Variants in ERMP1 observed in about 807,000 individuals in gnomAD.
The protein encoded by ERMP1 is endoplasmic reticulum metallopeptidase 1.
A neutral mutation model predicts 92.0 loss-of-function variants in ERMP1; 86 were observed. The observed-to-expected ratio is 0.93, with a 90% CI of 0.79 to 1.12. The LOEUF (loss-of-function observed/expected upper bound fraction) is 1.12, where lower values mean the gene tolerates loss of function less well. ERMP1 is among the 50% of genes most tolerant of loss of function. The pLI is 0.00. For missense variants in ERMP1, 1,342 were observed against 1,116.3 expected, an observed-to-expected ratio of 1.20 and a Z score of -2.88; for synonymous variants, 530 against 412.8, an observed-to-expected ratio of 1.28 and a Z score of -3.44.
chr9:5,820,888 T>C (rs1829510081), intron 4 of ERMP1, among the ~76,000 whole-genome samples: 1 of 152,168 alleles, frequency 6.6e-6, no homozygotes, highest in South Asian at 2.1e-4. Context: ...CAGTCTTTTG[T>C]AGGCAGTGGC....
rs1827931494 is a variant in ERMP1, at chr9:5,786,250, A to G, written c.*894T>C. 2 of 152,250 alleles carry G rather than the reference A, an allele frequency of 1.3e-5. No individual in the cohort carries two copies. The highest frequency in any genetic ancestry group is 4.8e-5 in the African/African-American group (2 of 41,440). 9.4% of individuals were successfully genotyped at this position (152,250 alleles called of 1,614,324 possible). The stretch of plus-strand genomic sequence containing the variant: ...AAAGAAAAGAGAATAAATATTTATA[A>G]AATTCCCACCACTCCCAGCCTTCCT... On this transcript the variant is annotated 3_prime_UTR_variant, in exon 15 of 15. Transcript: ENST00000339450.
chr9:5,836,831 G>A (rs1281170294), upstream of ERMP1, among the ~76,000 whole-genome samples: 2 of 152,148 alleles, frequency 1.3e-5, no homozygotes, highest in Non-Finnish European at 2.9e-5. Flanking sequence ...ATTCTAAAAG[G>A]CACATGAGCC....
intron 8 of ERMP1, among the ~76,000 whole-genome samples, chr9:5,806,887 C>G (rs1442135009): frequency 6.6e-6 from 1 of 152,172 alleles, no homozygotes; most frequent in Non-Finnish European, 1.5e-5. Flanking sequence ...TCAAGAGTTT[C>G]TGTGACGTGT....
intron 4 of ERMP1, among the ~76,000 whole-genome samples, chr9:5,820,970 A>C (rs1475401544): frequency 6.6e-6 from 1 of 152,214 alleles, no homozygotes; most frequent in South Asian, 2.1e-4. Context: ...TCAGGTATGG[A>C]GTTTAGCCAA....
chr9:5,801,234 G>T lies in ERMP1; in HGVS notation c.2009C>A (p.Thr670Lys). Reference sequence around the variant, plus strand: ...AGGATTGGAGCTATATGGAAAAAATGTTCCACTGCAAACAAGGAGGAATGT... The same window carrying T: ...AGGATTGGAGCTATATGGAAAAAATTTTCCACTGCAAACAAGGAGGAATGT... The part of the protein sequence containing the change: ...AITFLLVCSG[T>K]FFPYSSNPAN... The change falls in exon 11 of 15, where the codon ACA (threonine) becomes AAA (lysine). Residue 670 changes from threonine to lysine, a missense_variant. Coordinates refer to ENST00000339450, the MANE Select transcript of ERMP1 (RefSeq NM_024896.3). 6.2e-7 allele frequency: 1 copy of T among 1,613,882 alleles called. No individual in the cohort carries two copies. Among genetic ancestry groups the T allele is most frequent in the Non-Finnish European group, 8.5e-7 (1 of 1,179,902 alleles).
chr9:5,839,209 A>C (rs1830128082), intron 6 of ERMP1, among the ~76,000 whole-genome samples: 1 of 152,264 alleles, frequency 6.6e-6, no homozygotes, highest in Non-Finnish European at 1.5e-5. Flanking sequence ...TGCTGAACCA[A>C]TTAAAAAAAA....
At chr9:5,791,679 T>A (rs1348407605) in intron 13 of ERMP1, among the ~76,000 whole-genome samples, 1 of 152,184 alleles carries the variant, frequency 6.6e-6, no homozygotes, top group Non-Finnish European at 1.5e-5. Context: ...TGTCTTGACA[T>A]TTCTCCTCCT....
intron 12 of ERMP1, 95 bp downstream of exon 12, chr9:5,798,711 T>C: frequency 2.6e-6 from 2 of 759,772 alleles, no homozygotes; most frequent in Non-Finnish European, 4.4e-6. Context: ...ACTGAACTTG[T>C]ATATTAAAGG....
At chr9:5,846,955 C>A (rs1478059800) in intron 6 of ERMP1, among the ~76,000 whole-genome samples, 1 of 152,128 alleles carries the variant, frequency 6.6e-6, no homozygotes, top group African/African-American at 2.4e-5. Flanking sequence ...CAGACAGAGA[C>A]CATTTCCTTC....
upstream of ERMP1, among the ~76,000 whole-genome samples, chr9:5,834,529 A>G (rs966980925): frequency 5.3e-5 from 8 of 152,218 alleles, no homozygotes; most frequent in African/African-American, 1.9e-4. Flanking sequence ...TGAAAAAATG[A>G]AAACATACCA....
chr9:5,787,287 C>T lies in ERMP1; in HGVS notation c.2572G>A (p.Gly858Arg), dbSNP rs769285252. 1.2e-6 allele frequency: 2 copies of T among 1,613,242 alleles called. No individual in the cohort carries two copies. The highest frequency in any genetic ancestry group is 1.7e-6 in the Non-Finnish European group (2 of 1,179,714). ...GCAGCAATGGCCACGGTGACCATTC[C>T]TTCAGGATGTTCTTCTGAAACCTGC... ...EVQVSEEHPEGMVTVAIAAHY... is the reference protein window; with the variant it reads ...EVQVSEEHPERMVTVAIAAHY... The change falls in exon 15 of 15, where the codon GGA (glycine) becomes AGA (arginine). Residue 858 changes from glycine (G) to arginine (R), a missense_variant. Physicochemically the swap from Gly to Arg is moderately radical, Grantham distance 125. Coordinates refer to ENST00000339450, the MANE Select transcript of ERMP1 (RefSeq NM_024896.3).
At chr9:5,840,028 G>C (rs902648783) in intron 6 of ERMP1, among the ~76,000 whole-genome samples, 1 of 152,164 alleles carries the variant, frequency 6.6e-6, no homozygotes, top group East Asian at 1.9e-4. Context: ...AATCACTTGA[G>C]GTCAGGAGTT....
chr9:5,832,935 C>T lies in ERMP1; in HGVS notation c.93G>A (p.Arg31=), dbSNP rs1228021195. The change falls in exon 1 of 15, where the codon AGG becomes AGA. Residue 31 remains arginine (R), a synonymous_variant. Coordinates refer to ENST00000339450, the MANE Select transcript of ERMP1 (RefSeq NM_024896.3). ...CCAGAGGCTCCTGCGCTCGGGCCTC[C>T]CTCTCCGGCGGTGGCGCGGCCGCCG... ...EGAAAAPPPE[R]EARAQEPLVD... is the part of the protein sequence containing the mutation. 6.4e-7 allele frequency: 1 copy of T among 1,562,520 alleles called. No individual in the cohort carries two copies. The highest frequency in any genetic ancestry group is 1.2e-5 in the South Asian group (1 of 86,144).
Position 5,810,075 on chromosome 9 carries a change from T to G in ERMP1, c.1484A>C (p.Tyr495Ser). The change falls in exon 8 of 15, where the codon TAT becomes TCT. Residue 495 changes from tyrosine to serine, a missense_variant. Tyr to Ser is a moderately radical substitution (Grantham distance 144). Transcript: ENST00000339450. ...TATTTTGGCTACAGTTGCAGTTCCA[T>G]ACAGACAAACGGAGACATAGAAGTG... is the stretch of plus-strand genomic sequence containing the variant. Reference protein sequence around the residue: ...YNHFYVSVCLYGTATVAKIIL... With the variant: ...YNHFYVSVCLSGTATVAKIIL... 1 of 1,614,004 alleles carries G rather than the reference T, an allele frequency of 6.2e-7. No homozygotes were observed. The highest frequency in any genetic ancestry group is 8.5e-7 in the Non-Finnish European group (1 of 1,179,914).
At chr9:5,858,687 G>C (rs990558204) in intron 6 of ERMP1, among the ~76,000 whole-genome samples, 1 of 152,180 alleles carries the variant, frequency 6.6e-6, no homozygotes, top group Non-Finnish European at 1.5e-5. Flanking sequence ...TGGGATCCTG[G>C]GGTACTACTC....
intron 5 of ERMP1, among the ~76,000 whole-genome samples, chr9:5,863,217 G>C (rs1434578104): frequency 2.6e-5 from 4 of 152,116 alleles, no homozygotes; most frequent in African/African-American, 9.7e-5. Context: ...TCCAATGATG[G>C]GCAGCTTCAG....
chr9:5,849,238 G>T (rs1240350961), intron 6 of ERMP1, among the ~76,000 whole-genome samples: 2 of 152,126 alleles, frequency 1.3e-5, no homozygotes, highest in Non-Finnish European at 2.9e-5. Context: ...GGCCAGGAGG[G>T]TCTCAATCTC....
In ERMP1 at chr9:5,791,307, G is replaced by A. The variant is rs1219103405; in HGVS notation, c.2387-3714C>T. The stretch of plus-strand genomic sequence containing the variant: ...GCTGAAGAAAAAAGTCACAGTATGA[G>A]ACTGAAGGCAGTCTGCTAGCAGAAT... On this transcript the variant is annotated intron_variant, in intron 13 of 14. Coordinates refer to ENST00000339450, the MANE Select transcript of ERMP1 (RefSeq NM_024896.3). 10 of 456,402 alleles carry A rather than the reference G, an allele frequency of 2.2e-5. No individual in the cohort carries two copies. The Admixed American group carries it at 2.3e-4, about 11-fold the overall frequency. 28.3% of individuals were successfully genotyped at this position (456,402 alleles called of 1,614,324 possible). A position where few individuals can be genotyped will look rare whatever the true frequency, so the allele number is the denominator to read the frequency against.
Position 5,819,588 on chromosome 9 carries a change from A to G in ERMP1, c.874+4308T>C, listed in dbSNP as rs1255577216. 1.8e-4 allele frequency among the ~76,000 whole-genome samples: 28 copies of G among 152,166 alleles called. 1 individual carries two copies. The highest frequency in any genetic ancestry group is 1.8e-3 in the Admixed American group (28 of 15,270). ...TTATGTAATCCTCTTCATTTTTCCT[A>G]TAAAAACTTTTGTCTTCCTTTACTG... On this transcript the variant is annotated intron_variant, in intron 4 of 14. Transcript: ENST00000339450.
Sources: allele counts gnomAD v4.1 joint callset (sites outside exome capture counted in the v4.1 genomes callset), GRCh38; gene constraint gnomAD v4.1.1; transcripts MANE v1.5; gene names NCBI Gene and HGNC (gene_info 2026-07-23, HGNC 2026-07-21).